Variants in SMOC2 observed in about 807,000 individuals in gnomAD.
SMOC2 encodes the protein SPARC-related modular calcium-binding protein 2.
SMOC2 carries 39 observed loss-of-function variants against 61.4 expected under a neutral mutation model. The ratio of observed to expected loss-of-function variants is 0.64; its 90% CI spans 0.49 to 0.83. The LOEUF is 0.83. Among genes scored for constraint, SMOC2 ranks in the 40% least tolerant of loss-of-function variants. The probability of loss-of-function intolerance (pLI) is 0.00; values close to 1 mark genes in which losing one functional copy is unlikely to be tolerated. For synonymous variants in SMOC2, 247 were observed against 239.9 expected (o/e 1.03, Z -0.27); for missense variants, 556 against 592.9 (o/e 0.94, Z 0.65).
At chr6:168,548,962 C>T (rs769451890) in intron 6 of SMOC2, among the ~76,000 whole-genome samples, 167 bp from the exon 7 acceptor site, 53 of 152,150 alleles carry the variant, frequency 3.5e-4, no homozygotes, top group Non-Finnish European at 5.1e-4. Context: ...ATTATGATTT[C>T]CTTTCGTCTG....
intron 1 of SMOC2, among the ~76,000 whole-genome samples, chr6:168,459,836 G>A (rs1466277320): frequency 2.0e-5 from 3 of 147,120 alleles, no homozygotes; most frequent in Admixed American, 1.3e-4. Context: ...TGGGTGAGCC[G>A]GGGTGGTGAG....
Position 168,638,337 on chromosome 6 carries a change from A to G in SMOC2, c.908-12344A>G, listed in dbSNP as rs545221923. Among the ~76,000 whole-genome samples, 38 of 152,356 alleles carry G rather than the reference A, an allele frequency of 2.5e-4. 1 individual carries two copies. Among genetic ancestry groups the G allele is most frequent in the African/African-American group, 9.1e-4 (38 of 41,594 alleles). On this transcript the variant is annotated intron_variant, in intron 9 of 12. Transcript: ENST00000356284. Reference sequence around the variant, plus strand: ...ACTTCACACCATGAGAACCTGAGTCAACTCCATTTTGTTAGGTTGGGAACA... The same window carrying G: ...ACTTCACACCATGAGAACCTGAGTCGACTCCATTTTGTTAGGTTGGGAACA...
intron 12 of SMOC2, 110 bp downstream of exon 12, chr6:168,664,221 G>GA: frequency 1.2e-6 from 1 of 856,742 alleles, no homozygotes; most frequent in Non-Finnish European, 1.9e-6. Flanking sequence ...GAAAATCCAA[G>GA]AAAATAAATA....
chr6:168,581,549 C>T (rs752911355), intron 7 of SMOC2, among the ~76,000 whole-genome samples: 4 of 152,176 alleles, frequency 2.6e-5, no homozygotes, highest in Non-Finnish European at 5.9e-5. Context: ...CATTTCTTGC[C>T]GTCACTGAGT....
intron 7 of SMOC2, among the ~76,000 whole-genome samples, chr6:168,555,947 C>T (rs963542560): frequency 6.6e-6 from 1 of 152,170 alleles, no homozygotes; most frequent in Non-Finnish European, 1.5e-5. Flanking sequence ...GGCCAGACAC[C>T]GCTGGGGGCA....
chr6:168,623,329 A>ATTTTTTTTTTTTTTTTTTTT (rs11284179), intron 9 of SMOC2, among the ~76,000 whole-genome samples: 1 of 129,108 alleles, frequency 7.7e-6, no homozygotes. Context: ...TGGATAATTA[A>ATTTTTTTTTTTTTTTTTTTT]TTTTTTTTTT....
At chr6:168,609,067 AG>A (rs1785785495) in intron 9 of SMOC2, among the ~76,000 whole-genome samples, 1 of 152,236 alleles carries the variant, frequency 6.6e-6, no homozygotes, top group Non-Finnish European at 1.5e-5. Flanking sequence ...AAATGAGGAC[AG>A]GGTAGAGCAG....
At chr6:168,539,017 G>A (rs866566243) in intron 4 of SMOC2, among the ~76,000 whole-genome samples, 2 of 152,004 alleles carry the variant, frequency 1.3e-5, no homozygotes, top group Non-Finnish European at 2.9e-5. Flanking sequence ...AACCACCAGG[G>A]GACTGAGTCG....
At chr6:168,632,707 C>T (rs138680603) in intron 9 of SMOC2, among the ~76,000 whole-genome samples, 2 of 152,312 alleles carry the variant, frequency 1.3e-5, no homozygotes, top group East Asian at 3.9e-4. Context: ...GTTTGATATA[C>T]AGATGGTTAA....
At chr6:168,642,223 C>T (rs993717519) in intron 9 of SMOC2, among the ~76,000 whole-genome samples, 3 of 152,148 alleles carry the variant, frequency 2.0e-5, no homozygotes, top group Non-Finnish European at 4.4e-5. Flanking sequence ...AGAAGATTTA[C>T]GGACAGAAAA....
At chr6:168,662,151 G>T (rs1422006217) in intron 11 of SMOC2, among the ~76,000 whole-genome samples, 1 of 152,186 alleles carries the variant, frequency 6.6e-6, no homozygotes, top group African/African-American at 2.4e-5. Context: ...TGATTCATTT[G>T]AAAACTATTG....
chr6:168,546,792 T>C (rs2115103323), intron 5 of SMOC2, among the ~76,000 whole-genome samples: 1 of 152,332 alleles, frequency 6.6e-6, no homozygotes, highest in Middle Eastern at 3.4e-3. Context: ...AGGGCTAGAC[T>C]TTCTTTACTC....
intron 1 of SMOC2, among the ~76,000 whole-genome samples, chr6:168,499,111 G>A (rs977846403): frequency 9.5e-5 from 13 of 137,548 alleles, no homozygotes; most frequent in Non-Finnish European, 1.4e-4. Flanking sequence ...CCAGCCCTAC[G>A]AGCCACAGTC....
intron 9 of SMOC2, among the ~76,000 whole-genome samples, chr6:168,630,608 A>G (rs1030071556): frequency 2.2e-4 from 34 of 152,244 alleles, no homozygotes; most frequent in African/African-American, 8.0e-4. Context: ...AGCAATGTTC[A>G]GGGAACAAGA....
chr6:168,498,147 C>T (rs1047075323), intron 1 of SMOC2, among the ~76,000 whole-genome samples: 7 of 152,180 alleles, frequency 4.6e-5, no homozygotes, highest in Non-Finnish European at 7.3e-5. Flanking sequence ...TCAGTTATGC[C>T]TCTCAGTGGA....
chr6:168,620,239 C>G (rs1187280053), intron 9 of SMOC2, among the ~76,000 whole-genome samples: 1 of 152,054 alleles, frequency 6.6e-6, no homozygotes. Flanking sequence ...GTCTTTAAAC[C>G]CAACGCTGGC....
Position 168,441,314 on chromosome 6 carries a change from C to T in SMOC2, c.-57C>T. On this transcript the variant is annotated 5_prime_UTR_variant, in exon 1 of 13. Coordinates refer to ENST00000356284, the MANE Select transcript of SMOC2 (RefSeq NM_001166412.2). ...GCGCTCGCCCACTGGGCTCTCCCGG[C>T]TGCAGTGCCAGGGCGCAGGACGCGG... The T allele has an allele frequency of 6.8e-7, 1 of 1,479,178 alleles. No homozygotes were observed. The highest frequency in any genetic ancestry group is 8.9e-7 in the Non-Finnish European group (1 of 1,122,678). 91.6% of individuals were successfully genotyped at this position (1,479,178 alleles called of 1,614,324 possible). A position where few individuals can be genotyped will look rare whatever the true frequency, so the allele number is the denominator to read the frequency against.
intron 7 of SMOC2, among the ~76,000 whole-genome samples, chr6:168,560,432 T>C (rs1220745796): frequency 4.6e-5 from 7 of 152,284 alleles, no homozygotes; most frequent in Non-Finnish European, 8.8e-5. Flanking sequence ...CAAGGTCATA[T>C]TTATTTTTTA....
intron 7 of SMOC2, among the ~76,000 whole-genome samples, chr6:168,586,031 G>A (rs1352429922): frequency 1.3e-5 from 2 of 152,062 alleles, no homozygotes; most frequent in African/African-American, 4.8e-5. Flanking sequence ...TTTGTGCTTA[G>A]TGCTTTCTGC....
Sources: gnomAD v4.1 joint callset for allele counts (sites outside exome capture counted in the v4.1 genomes callset) on GRCh38, gnomAD v4.1.1 for gene constraint, MANE v1.5 for transcripts, NCBI Gene and HGNC (gene_info 2026-07-23, HGNC 2026-07-21) for gene names.